The following CHRM3 variants were observed in gnomAD, a reference collection of about 807,000 sequenced individuals.
CHRM3 encodes the protein muscarinic acetylcholine receptor M3.
In CHRM3, 11 loss-of-function variants were observed where a neutral mutation model predicts 41.8. The ratio of observed to expected loss-of-function variants is 0.26; its 90% confidence interval spans 0.17 to 0.44. The LOEUF is 0.44. Among genes scored for constraint, CHRM3 ranks in the 20% least tolerant of loss-of-function variants. The pLI is 1.00. For synonymous variants in CHRM3, 297 were observed against 301.4 expected (o/e 0.99, Z 0.15); for missense variants, 571 against 745.4 (o/e 0.77, Z 2.72).
chr1:239,459,135 C>T (rs1665172639), intron 1 of CHRM3, among the ~76,000 whole-genome samples: 1 of 152,040 alleles, frequency 6.6e-6, no homozygotes, highest in Admixed American at 6.6e-5. Flanking sequence ...TAACACAGAC[C>T]AGTGGCTAGA....
intron 4 of CHRM3, among the ~76,000 whole-genome samples, chr1:239,654,984 T>A (rs893161347): frequency 6.6e-6 from 1 of 152,208 alleles, no homozygotes; most frequent in Non-Finnish European, 1.5e-5. Context: ...ATAAAAATAA[T>A]TCATCTGCTA....
intron 1 of CHRM3, among the ~76,000 whole-genome samples, chr1:239,483,782 A>G (rs529365396): frequency 6.6e-6 from 1 of 152,330 alleles, no homozygotes; most frequent in South Asian, 2.1e-4. Flanking sequence ...CTACTTAACC[A>G]GGTTGTTGGC....
chr1:239,779,591 C>T (rs1244649403), intron 5 of CHRM3, among the ~76,000 whole-genome samples: 1 of 152,150 alleles, frequency 6.6e-6, no homozygotes, highest in East Asian at 1.9e-4. Flanking sequence ...AAAAATTAGC[C>T]AGGCATGGTG....
chr1:239,911,852 G>A lies in CHRM3; in HGVS notation c.*2628G>A, dbSNP rs1290293981. 6.0e-6 allele frequency: 1 copy of A among 166,928 alleles called. No individual in the cohort carries two copies. Among genetic ancestry groups the A allele is most frequent in the Non-Finnish European group, 1.5e-5 (1 of 68,094 alleles). The allele number at this position is 166,928 out of a possible 1,614,324, so 10.3% of individuals were successfully genotyped here. A position where few individuals can be genotyped will look rare whatever the true frequency, so the allele number is the denominator to read the frequency against. ...GGTCACTTTCAGAGAAAGAAAACAAGCAAAATAGGTTCTTTTGAATATGAA... is the reference window on the plus strand; with the variant it reads ...GGTCACTTTCAGAGAAAGAAAACAAACAAAATAGGTTCTTTTGAATATGAA... On this transcript the variant is annotated 3_prime_UTR_variant, in exon 7 of 7. Transcript: ENST00000676153.
intron 5 of CHRM3, among the ~76,000 whole-genome samples, chr1:239,715,952 G>A (rs1403481972): frequency 1.3e-5 from 2 of 152,082 alleles, no homozygotes; most frequent in East Asian, 1.9e-4. Context: ...TGATGTTGAA[G>A]ACCAGGGCTT....
At chr1:239,613,389 A>C (rs1558376746) in intron 3 of CHRM3, among the ~76,000 whole-genome samples, 1 of 152,252 alleles carries the variant, frequency 6.6e-6, no homozygotes, top group Non-Finnish European at 1.5e-5. Context: ...AAAGAAAAGA[A>C]TAAAAACAAT....
At chr1:239,569,637 T>C (rs1467328694) in intron 3 of CHRM3, among the ~76,000 whole-genome samples, 1 of 152,138 alleles carries the variant, frequency 6.6e-6, no homozygotes, top group African/African-American at 2.4e-5. Context: ...TAAGAAAAAG[T>C]AATTGAAAAA....
chr1:239,787,289 A>G (rs1415080343), intron 5 of CHRM3, among the ~76,000 whole-genome samples: 1 of 152,162 alleles, frequency 6.6e-6, no homozygotes, highest in Non-Finnish European at 1.5e-5. Context: ...CTGATATGAA[A>G]GAAACAGTTT....
At chr1:239,692,101 T>C (rs1010955319) in intron 5 of CHRM3, among the ~76,000 whole-genome samples, 3 of 152,194 alleles carry the variant, frequency 2.0e-5, no homozygotes, top group Admixed American at 1.3e-4. Flanking sequence ...CTTAGGCATC[T>C]TGAGCAAAAC....
intron 6 of CHRM3, among the ~76,000 whole-genome samples, chr1:239,866,125 C>G (rs535807687): frequency 2.6e-5 from 4 of 152,240 alleles, no homozygotes; most frequent in African/African-American, 9.6e-5. Context: ...CGCCTGCAAT[C>G]TCAGCACTTT....
At chr1:239,710,963 T>A (rs991434640) in intron 5 of CHRM3, among the ~76,000 whole-genome samples, 1 of 151,962 alleles carries the variant, frequency 6.6e-6, no homozygotes, top group South Asian at 2.1e-4. Context: ...GAAATAATAC[T>A]GTTCTGAGTT....
chr1:239,728,873 C>A (rs1663693147), intron 5 of CHRM3, among the ~76,000 whole-genome samples: 1 of 151,954 alleles, frequency 6.6e-6, no homozygotes, highest in South Asian at 2.1e-4. Flanking sequence ...TTCAATCCTT[C>A]ATTCAAAATG....
At chr1:239,729,786 A>C (rs2148411173) in intron 5 of CHRM3, among the ~76,000 whole-genome samples, 1 of 151,510 alleles carries the variant, frequency 6.6e-6, no homozygotes, top group Non-Finnish European at 1.5e-5. Flanking sequence ...TTCAAAATAC[A>C]ACAGGCTGTA....
At chr1:239,666,522 A>AT (rs1673822446) in intron 4 of CHRM3, among the ~76,000 whole-genome samples, 1 of 151,926 alleles carries the variant, frequency 6.6e-6, no homozygotes, top group South Asian at 2.1e-4. Flanking sequence ...TGCCATCAAT[A>AT]ATATCTCACA....
chr1:239,633,306 A>G (rs1670073881), intron 4 of CHRM3, among the ~76,000 whole-genome samples: 1 of 152,086 alleles, frequency 6.6e-6, no homozygotes, highest in Non-Finnish European at 1.5e-5. Flanking sequence ...GAGCGGGGAG[A>G]GGGTGCGGAG....
At chr1:239,720,615 A>G (rs989931810) in intron 5 of CHRM3, among the ~76,000 whole-genome samples, 7 of 151,916 alleles carry the variant, frequency 4.6e-5, no homozygotes, top group Admixed American at 3.9e-4. Flanking sequence ...GGTTTTATCT[A>G]TAGAGATTTG....
At chr1:239,727,108 C>T (rs541007744) in intron 5 of CHRM3, among the ~76,000 whole-genome samples, 1 of 151,374 alleles carries the variant, frequency 6.6e-6, no homozygotes, top group Non-Finnish European at 1.5e-5. Context: ...TTGTGAAGAT[C>T]AAAAAAAATC....
At chr1:239,864,079 G>GA (rs560580967) in intron 6 of CHRM3, among the ~76,000 whole-genome samples, 5,376 of 125,552 alleles carry the variant, frequency 0.043, 237 homozygotes, top group African/African-American at 0.12. Context: ...CTTGATTTAA[G>GA]AAAAAAAAAA....
chr1:239,776,361 A>T (rs2148766737), intron 5 of CHRM3, among the ~76,000 whole-genome samples: 1 of 152,362 alleles, frequency 6.6e-6, no homozygotes, highest in Non-Finnish European at 1.5e-5. Context: ...TGTGTAACAC[A>T]TAGTAAGCAT....
Sources: gnomAD v4.1 joint callset for allele counts (sites outside exome capture counted in the v4.1 genomes callset) on GRCh38, gnomAD v4.1.1 for gene constraint, MANE v1.5 for transcripts, NCBI Gene and HGNC (gene_info 2026-07-23, HGNC 2026-07-21) for gene names.